The following QRICH2 variants were observed in gnomAD, a reference collection of about 807,000 sequenced individuals.
QRICH2 encodes glutamine-rich protein 2.
Under a neutral mutation model 168.3 loss-of-function variants are expected in QRICH2, and 119 were observed. The observed-to-expected ratio is 0.71, with a 90% CI of 0.61 to 0.82. QRICH2 has a LOEUF of 0.82. Among genes scored for constraint, QRICH2 ranks in the 40% least tolerant of loss-of-function variants. The pLI is 0.00. For missense variants in QRICH2, 2,241 were observed against 2,491.6 expected, an observed-to-expected ratio of 0.90 and a Z score of 2.14; for synonymous variants, 894 against 951.2, an observed-to-expected ratio of 0.94 and a Z score of 1.11.
chr17:76,288,965 G>A (rs1191443728), intron 5 of QRICH2, among the ~76,000 whole-genome samples: 4 of 151,372 alleles, frequency 2.6e-5, no homozygotes, highest in Non-Finnish European at 3.0e-5. Flanking sequence ...TTAGCCGGGC[G>A]TGGTGGCGAG....
chr17:76,274,209 T>C lies in QRICH2; in HGVS notation c.5534A>G (p.Gln1845Arg), dbSNP rs775589624. 3.3e-5 allele frequency: 52 copies of C among 1,598,688 alleles called. 1 individual carries two copies. The South Asian group carries it at 5.7e-4, about 18-fold the overall frequency. The stretch of plus-strand genomic sequence containing the variant: ...GCTGGGCGGGTGGGCTGTGTTCGGC[T>C]GGGAGAGACGGCCCTCGGAGGAAGG... ...DRPSSEGRLS[Q>R]PNTAHPPSSA... The change falls in exon 19 of 19, where the codon CAG becomes CGG. Residue 1845 changes from glutamine to arginine, a missense_variant. Gln to Arg is a conservative substitution (Grantham distance 43). Around this residue, in one of 3 missense-constraint regions of QRICH2, gnomAD observed 189 missense variants for 169.3 expected, o/e 1.12. Coordinates refer to ENST00000680821, the MANE Select transcript of QRICH2 (RefSeq NM_001388453.1).
intron 17 of QRICH2, 116 bp from the exon 18 acceptor site, chr17:76,276,063 G>T: frequency 8.0e-7 from 1 of 1,255,030 alleles, no homozygotes; most frequent in Non-Finnish European, 1.1e-6. Context: ...CCTCAGCTGA[G>T]TGGGGTCCTC....
chr17:76,301,290 C>T (rs1450181618), intron 3 of QRICH2, among the ~76,000 whole-genome samples: 1 of 151,236 alleles, frequency 6.6e-6, no homozygotes, highest in Non-Finnish European at 1.5e-5. Flanking sequence ...TATGATAGGC[C>T]AGGGCGGTAG....
chr17:76,289,536 G>A (rs1194734881), intron 5 of QRICH2, among the ~76,000 whole-genome samples: 1 of 152,176 alleles, frequency 6.6e-6, no homozygotes, highest in Non-Finnish European at 1.5e-5. Context: ...TACCCAAGGT[G>A]CAGTTCCTAT....
intron 5 of QRICH2, 125 bp from the exon 6 acceptor site, chr17:76,288,022 G>C (rs1023942449): frequency 4.3e-6 from 3 of 704,180 alleles, no homozygotes; most frequent in Non-Finnish European, 7.6e-6. Context: ...TCCGACAAAA[G>C]CCAGGAGCCC....
chr17:76,292,849 ATCCAT>A lies in QRICH2; in HGVS notation c.1873_1877del (p.Met625SerfsTer9). 6 of 1,603,298 alleles carry A rather than the reference ATCCAT, an allele frequency of 3.7e-6. No individual in the cohort carries two copies. The African/African-American group carries it at 6.0e-5, about 16-fold the overall frequency. ...TACCAGGTTGGGCCAAACCAGACTG[ATCCAT>A]TCCAGGCCAGACCAAACCACGCTGA... On this transcript the variant is annotated frameshift_variant, in exon 4 of 19. Transcript: ENST00000680821. LOFTEE classifies it high-confidence loss of function.
chr17:76,303,881 A>C (rs1353351226), intron 3 of QRICH2, among the ~76,000 whole-genome samples: 1 of 150,520 alleles, frequency 6.6e-6, no homozygotes, highest in Non-Finnish European at 1.5e-5. Context: ...TCAAAAAAAA[A>C]AAAAAAAAAA....
rs2070773702 is a variant in QRICH2 at position 76,280,787 on chromosome 17, A to T, written c.4386+44T>A. 1 of 1,613,934 alleles carries T rather than the reference A, an allele frequency of 6.2e-7. No homozygotes were observed. The highest frequency in any genetic ancestry group is 8.5e-7 in the Non-Finnish European group (1 of 1,180,006). On this transcript the variant is annotated intron_variant, in intron 9 of 18. Transcript: ENST00000680821. This position sits in a 1 kb window ranked among gnomAD's most constrained non-coding sequence, Gnocchi z 7.4. Reference sequence around the variant, plus strand: ...CCAGCAGCTGCGGGGCTAGGGCACCACATTGAGCCCCGGCCCCATCCCAGC... The same window carrying T: ...CCAGCAGCTGCGGGGCTAGGGCACCTCATTGAGCCCCGGCCCCATCCCAGC...
At chr17:76,297,868 C>CTTTTTTTTT (rs1344325680) in intron 3 of QRICH2, among the ~76,000 whole-genome samples, 3 of 95,968 alleles carry the variant, frequency 3.1e-5, no homozygotes, top group African/African-American at 1.3e-4. Flanking sequence ...ACTTAGGAAT[C>CTTTTTTTTT]TGTTTTTTTT....
At position 76,280,334 on chromosome 17, in the gene QRICH2, CCTG is replaced by C. The variant is rs1298618811; in HGVS notation, c.4576_4578del (p.Gln1526del). On this transcript the variant is annotated inframe_deletion, in exon 11 of 19. Transcript: ENST00000680821. The surrounding 1 kb of genome is among the most constrained non-coding windows in gnomAD (Gnocchi z 7.4). ...AGCCTGTCCAGCATCTTCTGCCAGT[CCTG>C]CTCCTGCCCGCTCATCTTGGCCACC... The C allele has an allele frequency of 1.9e-6, 3 of 1,614,218 alleles. No homozygotes were observed. The highest frequency in any genetic ancestry group is 8.5e-7 in the Non-Finnish European group (1 of 1,180,032).
At chr17:76,279,921 G>C (rs1174781161) in intron 12 of QRICH2, 112 bp downstream of exon 12, 6 of 1,300,934 alleles carry the variant, frequency 4.6e-6, no homozygotes, top group Non-Finnish European at 6.2e-6. Flanking sequence ...GACAGTCCTG[G>C]GCAGGATCCG....
In QRICH2 at chr17:76,274,220, G is replaced by C. The variant is rs1286787492; in HGVS notation, c.5523C>G (p.Gly1841=). Residue 1841 remains glycine (G), a synonymous_variant, in exon 19 of 19, where the codon GGC becomes GGG. Transcript: ENST00000680821. ...RQQKDRPSSE[G]RLSQPNTAHP... is the part of the protein sequence containing the mutation. The stretch of plus-strand genomic sequence containing the variant: ...GGGCTGTGTTCGGCTGGGAGAGACG[G>C]CCCTCGGAGGAAGGTCTATCTTTCT... 2 of 1,598,282 alleles carry C rather than the reference G, an allele frequency of 1.3e-6. No individual in the cohort carries two copies. The highest frequency in any genetic ancestry group is 2.3e-5 in the South Asian group (2 of 88,834).
chr17:76,278,303 G>T, intron 14 of QRICH2, 114 bp from the exon 15 acceptor site: 1 of 1,014,006 alleles, frequency 9.9e-7, no homozygotes, highest in Non-Finnish European at 1.5e-6. Context: ...AGCTAGGCTG[G>T]GGGTCGCTGG....
chr17:76,294,137 C>T, intron 3 of QRICH2, 116 bp from the exon 4 acceptor site: 1 of 1,298,072 alleles, frequency 7.7e-7, no homozygotes, highest in Non-Finnish European at 1.0e-6. Context: ...GAGAAAAAAG[C>T]CCTCTGGTCC....
At chr17:76,283,140 C>T (rs1041982755) in intron 7 of QRICH2, among the ~76,000 whole-genome samples, 1 of 152,180 alleles carries the variant, frequency 6.6e-6, no homozygotes, top group Non-Finnish European at 1.5e-5. Flanking sequence ...CCACTTACAA[C>T]CAGAAGAGCC....
Position 76,291,485 on chromosome 17 carries a change from G to C in QRICH2, c.3242C>G (p.Pro1081Arg), listed in dbSNP as rs2143287328. 1 of 1,614,074 alleles carries C rather than the reference G, an allele frequency of 6.2e-7. No homozygotes were observed. Among genetic ancestry groups the C allele is most frequent in the East Asian group, 2.2e-5 (1 of 44,878 alleles). Residue 1081 changes from proline (P) to arginine (R), a missense_variant, in exon 4 of 19, where the codon CCT (proline) becomes CGT (arginine). Pro to Arg is a moderately radical substitution (Grantham distance 103, BLOSUM62 -2). Around this residue, in one of 3 missense-constraint regions of QRICH2, gnomAD observed 2,047 missense variants for 2,303.8 expected, o/e 0.89. Transcript: ENST00000680821. ...TACCTGGTCATGCTCACCTGGGCCAGGTGATGCCACATGCTGTTGATCTGG... is the reference window on the plus strand; with the variant it reads ...TACCTGGTCATGCTCACCTGGGCCACGTGATGCCACATGCTGTTGATCTGG... ...THPDQQHVASPGPGEHDQVYP... is the reference protein window; with the variant it reads ...THPDQQHVASRGPGEHDQVYP...
Position 76,307,575 on chromosome 17 carries a change from G to A in QRICH2, c.424C>T (p.Leu142=). 1 of 1,570,136 alleles carries A rather than the reference G, an allele frequency of 6.4e-7. No individual in the cohort carries two copies. The highest frequency in any genetic ancestry group is 2.4e-5 in the East Asian group (1 of 41,836). The change falls in exon 1 of 19, where the codon CTG becomes TTG. Residue 142 remains leucine (L), a synonymous_variant. Transcript: ENST00000680821. The surrounding 1 kb of genome is among the most constrained non-coding windows in gnomAD (Gnocchi z 5.3). ...QHFSQASGLD[L]AALEWPEEQE... ...TCCTCCGGCCACTCTAGCGCGGCCA[G>A]GTCAAGCCCGCTGGCCTGGGAGAAG...
chr17:76,291,722 A>G lies in QRICH2; in HGVS notation c.3005T>C (p.Ile1002Thr), dbSNP rs2143290176. Residue 1002 changes from isoleucine (I) to threonine (T), a missense_variant, in exon 4 of 19, where the codon ATA becomes ACA. Coordinates refer to ENST00000680821, the MANE Select transcript of QRICH2 (RefSeq NM_001388453.1). ...ACCATGTTGATATGGACGTACTGATATAAAACCTGTAGAATCTGCCTGGAA... is the reference window on the plus strand; with the variant it reads ...ACCATGTTGATATGGACGTACTGATGTAAAACCTGTAGAATCTGCCTGGAA... ...STFQADSTGF[I>T]SVRPYQHGMV... is the part of the protein sequence containing the mutation. 1.9e-6 allele frequency: 3 copies of G among 1,614,220 alleles called. No individual in the cohort carries two copies. Among genetic ancestry groups the G allele is most frequent in the African/African-American group, 1.3e-5 (1 of 75,062 alleles).
rs768934118 is a variant in QRICH2 at position 76,274,120 on chromosome 17, C to T, written c.5623G>A (p.Glu1875Lys). The T allele has an allele frequency of 1.1e-4, 178 of 1,587,008 alleles. No homozygotes were observed. The highest frequency in any genetic ancestry group is 1.4e-4 in the Non-Finnish European group (164 of 1,170,272). ...HVDMPPGEGL[E>K]EPTRGPRSST... ...GACCGCGGCCCCCGCGTGGGCTCCT[C>T]GAGCCCCTCCCCAGGAGGCATGTCC... is the stretch of plus-strand genomic sequence containing the variant. The change falls in exon 19 of 19, where the codon GAG (glutamate) becomes AAG (lysine). Residue 1875 changes from glutamate to lysine, a missense_variant. This residue lies in a region of QRICH2 where 189 missense variants were observed against 169.3 expected (regional missense o/e 1.12). Transcript: ENST00000680821.
Sources: gnomAD v4.1 joint callset for allele counts (sites outside exome capture counted in the v4.1 genomes callset) on GRCh38, gnomAD v4.1.1 for gene constraint, gnomAD v4.1.1 regional missense constraint, Gnocchi (gnomAD v3.1) non-coding constraint, MANE v1.5 for transcripts, NCBI Gene and HGNC (gene_info 2026-07-23, HGNC 2026-07-21) for gene names.